Variants in CLCNKA observed in about 807,000 individuals in gnomAD.
CLCNKA encodes the protein chloride channel protein ClC-Ka.
CLCNKA carries 66 observed loss-of-function variants against 83.3 expected under a neutral mutation model. That is an observed-to-expected ratio of 0.79 (90% CI 0.65 to 0.97). The LOEUF (loss-of-function observed/expected upper bound fraction) is 0.97, where lower values mean the gene tolerates loss of function less well. Ranked by LOEUF, CLCNKA falls within the 50% of genes least tolerant of loss-of-function variation. CLCNKA has a pLI of 0.00. For missense variants in CLCNKA, 806 were observed against 888.7 expected (o/e 0.91, Z 1.18); for synonymous variants, 357 against 370.4 (o/e 0.96, Z 0.42).
intron 1 of CLCNKA, 54 bp from the exon 2 acceptor site, chr1:16,022,559 G>A: frequency 7.4e-7 from 1 of 1,353,158 alleles, no homozygotes; most frequent in Non-Finnish European, 1.0e-6. Context: ...CCCAGAGGCA[G>A]CGCGAGGACG....
chr1:16,028,231 A>G, intron 10 of CLCNKA, 112 bp downstream of exon 10: 1 of 976,338 alleles, frequency 1.0e-6, no homozygotes. Context: ...ATCCCTCCCT[A>G]GCCCGTGGAG....
chr1:16,023,560 C>G (rs1473871919), intron 2 of CLCNKA, among the ~76,000 whole-genome samples: 1 of 152,342 alleles, frequency 6.6e-6, no homozygotes, highest in Middle Eastern at 3.4e-3. Context: ...TCCAGGCTCA[C>G]TCAGTGGTGG....
chr1:16,029,854 A>T (rs2022545197), intron 13 of CLCNKA, 54 bp downstream of exon 13: 7 of 1,610,686 alleles, frequency 4.3e-6, no homozygotes, highest in Non-Finnish European at 5.9e-6. Flanking sequence ...GGGCAGGGCC[A>T]TGCATCCTGG....
chr1:16,029,743 A>C lies in CLCNKA; in HGVS notation c.1240A>C (p.Ile414Leu). 1 of 1,614,084 alleles carries C rather than the reference A, an allele frequency of 6.2e-7. No homozygotes were observed. Among genetic ancestry groups the C allele is most frequent in the Non-Finnish European group, 8.5e-7 (1 of 1,180,002 alleles). ...CCCCTTCCTGCAGTTCTGGATGCTG[A>C]TTCTGGCCACCACCATCCCCATGCC... The part of the protein sequence containing the change: ...FFLVMKFWML[I>L]LATTIPMPAG... The change falls in exon 13 of 20, where the codon ATT (isoleucine) becomes CTT (leucine). Residue 414 changes from isoleucine (I) to leucine (L), a missense_variant. Ile to Leu is a conservative substitution (Grantham distance 5, BLOSUM62 2). Transcript: ENST00000331433.
intron 4 of CLCNKA, 49 bp from the exon 5 acceptor site, chr1:16,026,057 AGT>A (rs777891949): frequency 1.2e-6 from 2 of 1,611,192 alleles, no homozygotes; most frequent in East Asian, 4.5e-5. Flanking sequence ...CCTGGCAGAG[AGT>A]TTTAATCTAG....
At position 16,022,733 on chromosome 1, in the gene CLCNKA, C is replaced by T; in HGVS notation, c.100+14C>T. The T allele has an allele frequency of 6.6e-7, 1 of 1,506,790 alleles. No individual in the cohort carries two copies. The allele number at this position is 1,506,790 out of a possible 1,614,324, so 93.3% of individuals were successfully genotyped here. A position where few individuals can be genotyped will look rare whatever the true frequency, so the allele number is the denominator to read the frequency against. ...GAGCCATCCAAGGTGAGAGCCAGGT[C>T]CTCTTCCCTACCCGCGGGGGACCAC... On this transcript the variant is annotated intron_variant, in intron 2 of 19. Transcript: ENST00000331433.
In CLCNKA at chr1:16,022,658, G is replaced by A; in HGVS notation, c.39G>A (p.Gly13=). The change falls in exon 2 of 20, where the codon GGG becomes GGA. Residue 13 remains glycine (G), a synonymous_variant. Transcript: ENST00000331433. ...ELVGLREGFS[G]DPVTLQELWG... is the part of the protein sequence containing the mutation. ...TGGGGCTGCGTGAGGGCTTCTCAGGGGACCCTGTGACTCTGCAGGAGCTGT... is the reference window on the plus strand; with the variant it reads ...TGGGGCTGCGTGAGGGCTTCTCAGGAGACCCTGTGACTCTGCAGGAGCTGT... 6.4e-7 allele frequency: 1 copy of A among 1,568,468 alleles called. No homozygotes were observed. Among genetic ancestry groups the A allele is most frequent in the South Asian group, 1.2e-5 (1 of 84,468 alleles).
At position 16,030,000 on chromosome 1, in the gene CLCNKA, G is replaced by A. The variant is rs1198986698; in HGVS notation, c.1333G>A (p.Ala445Thr). The change falls in exon 14 of 20, where the codon GCC becomes ACC. Residue 445 changes from alanine to threonine, a missense_variant. By Grantham distance (58) the Ala-to-Thr change is moderately conservative. Coordinates refer to ENST00000331433, the MANE Select transcript of CLCNKA (RefSeq NM_004070.4). ...AIGRLLGEALAVAFPEGIVTG... is the reference protein window; with the variant it reads ...AIGRLLGEALTVAFPEGIVTG... ...CGGGCGCCTCTTGGGAGAGGCTCTT[G>A]CCGTCGCCTTCCCTGAGGGCATTGT... is the stretch of plus-strand genomic sequence containing the variant. 3.1e-6 allele frequency: 5 copies of A among 1,611,258 alleles called. No individual in the cohort carries two copies. The African/African-American group carries it at 5.3e-5, about 17-fold the overall frequency.
chr1:16,024,143 A>G (rs1290557831), intron 3 of CLCNKA, among the ~76,000 whole-genome samples: 2 of 152,216 alleles, frequency 1.3e-5, no homozygotes, highest in Non-Finnish European at 2.9e-5. Flanking sequence ...AGACCTGAAT[A>G]TTCCCAAGAG....
In CLCNKA at chr1:16,023,926, G is replaced by A. The variant is rs75291455; in HGVS notation, c.227G>A (p.Arg76Gln). The A allele has an allele frequency of 7.4e-6, 12 of 1,613,994 alleles. No individual in the cohort carries two copies. The highest frequency in any genetic ancestry group is 2.7e-5 in the African/African-American group (2 of 75,050). Reference protein sequence around the residue: ...AMNFAIGCVVRAHQWLYREIG... With the variant: ...AMNFAIGCVVQAHQWLYREIG... ...AACTTTGCCATCGGGTGTGTGGTCC[G>A]AGGTAACTCTTCCCTGGCAGGTGCT... The change falls in exon 3 of 20, where the codon CGA (arginine) becomes CAA (glutamine). Residue 76 changes from arginine (R) to glutamine (Q), a missense_variant and splice_region_variant. Arg to Gln is a conservative substitution (Grantham distance 43). Transcript: ENST00000331433.
Position 16,027,350 on chromosome 1 carries a change from T to C in CLCNKA, c.696T>C (p.Ser232=). The part of the protein sequence containing the change: ...FSIEVMSSHF[S]VRDYWRGFFA... The stretch of plus-strand genomic sequence containing the variant: ...TCGAGGTCATGTCTTCCCACTTCTC[T>C]GTCCGGGATTACTGGAGGGGCTTCT... Residue 232 remains serine (S), a synonymous_variant, in exon 8 of 20, where the codon TCT becomes TCC. Transcript: ENST00000331433. 1.2e-6 allele frequency: 2 copies of C among 1,613,632 alleles called. No homozygotes were observed. The highest frequency in any genetic ancestry group is 1.1e-5 in the South Asian group (1 of 91,060).
Position 16,033,961 on chromosome 1 carries a change from A to G in CLCNKA, c.*303A>G, listed in dbSNP as rs2022744235. Reference sequence around the variant, plus strand: ...CATTAATGAATGACGAGATTGGAGTACACTGTCACCAAGGGCAGGCAAAGA... The same window carrying G: ...CATTAATGAATGACGAGATTGGAGTGCACTGTCACCAAGGGCAGGCAAAGA... On this transcript the variant is annotated 3_prime_UTR_variant, in exon 20 of 20. Coordinates refer to ENST00000331433, the MANE Select transcript of CLCNKA (RefSeq NM_004070.4). 4.1e-5 allele frequency: 19 copies of G among 468,790 alleles called. No homozygotes were observed. Among genetic ancestry groups the G allele is most frequent in the South Asian group, 3.3e-4 (18 of 53,960 alleles). The allele number at this position is 468,790 out of a possible 1,614,324, so 29.0% of individuals were successfully genotyped here.
At position 16,023,705 on chromosome 1, in the gene CLCNKA, G is replaced by A. The variant is rs564481302; in HGVS notation, c.101-95G>A. On this transcript the variant is annotated intron_variant, in intron 2 of 19. Coordinates refer to ENST00000331433, the MANE Select transcript of CLCNKA (RefSeq NM_004070.4). ...GGACTACCCCAGACTCAACTACCAGGGTCCTCCCTGCCTGGAGCCAAGCAG... is the reference window on the plus strand; with the variant it reads ...GGACTACCCCAGACTCAACTACCAGAGTCCTCCCTGCCTGGAGCCAAGCAG... 2.3e-3 allele frequency: 3,407 copies of A among 1,488,732 alleles called. 7 individuals are homozygous for A. The highest frequency in any genetic ancestry group is 3.0e-3 in the Admixed American group (169 of 56,256). The allele number at this position is 1,488,732 out of a possible 1,614,324, so 92.2% of individuals were successfully genotyped here.
rs575969901 is a variant in CLCNKA, at chr1:16,022,747, G to C, written c.100+28G>C. On this transcript the variant is annotated intron_variant, in intron 2 of 19. Transcript: ENST00000331433. Reference sequence around the variant, plus strand: ...GAGAGCCAGGTCCTCTTCCCTACCCGCGGGGGACCACTCAGGACATCATTC... The same window carrying C: ...GAGAGCCAGGTCCTCTTCCCTACCCCCGGGGGACCACTCAGGACATCATTC... The C allele has an allele frequency of 5.4e-5, 78 of 1,447,836 alleles. No homozygotes were observed. The East Asian group carries it at 9.9e-4, about 18-fold the overall frequency. 89.7% of individuals were successfully genotyped at this position (1,447,836 alleles called of 1,614,324 possible).
chr1:16,031,659 G>A (rs1359943522), intron 15 of CLCNKA, 51 bp from the exon 16 acceptor site: 3 of 1,612,994 alleles, frequency 1.9e-6, no homozygotes, highest in South Asian at 2.2e-5. Flanking sequence ...TTGCTGGCCT[G>A]GGTCTGACAT....
chr1:16,028,525 A>G (rs1570305167), intron 10 of CLCNKA: 3 of 665,834 alleles, frequency 4.5e-6, no homozygotes, highest in Middle Eastern at 2.8e-4. Context: ...TCTCCTCTCA[A>G]TCTCCTGCGT....
At chr1:16,028,929 C>A in intron 11 of CLCNKA, 84 bp downstream of exon 11, 2 of 1,546,822 alleles carry the variant, frequency 1.3e-6, no homozygotes, top group Non-Finnish European at 1.8e-6. Flanking sequence ...ATACCCTCAG[C>A]ACCCCACCAG....
chr1:16,028,191 C>T (rs1484585755), intron 10 of CLCNKA, 72 bp downstream of exon 10: 1 of 1,423,564 alleles, frequency 7.0e-7, no homozygotes, highest in Non-Finnish European at 9.9e-7. Context: ...TGTAGAAAGC[C>T]CCACCCCCAT....
intron 17 of CLCNKA, 63 bp from the exon 18 acceptor site, chr1:16,032,380 G>A: frequency 6.4e-7 from 1 of 1,554,322 alleles, no homozygotes; most frequent in Non-Finnish European, 8.9e-7. Context: ...TGAGGGAGAG[G>A]TGGTCTGAGA....
Sources: allele counts gnomAD v4.1 joint callset (sites outside exome capture counted in the v4.1 genomes callset), GRCh38; gene constraint gnomAD v4.1.1; transcripts MANE v1.5; gene names NCBI Gene and HGNC (gene_info 2026-07-23, HGNC 2026-07-21).